Variants in METTL24 observed in about 807,000 individuals in gnomAD.
METTL24 encodes the protein probable methyltransferase-like protein 24.
A neutral mutation model predicts 32.7 loss-of-function variants in METTL24; 29 were observed. That is an observed-to-expected ratio of 0.89 (90% CI 0.66 to 1.21). METTL24 has a LOEUF of 1.21. Ranked by LOEUF, METTL24 falls within the 50% of genes most tolerant of loss-of-function variation. METTL24 has a pLI of 0.00. For missense variants in METTL24, 439 were observed against 468.1 expected, an observed-to-expected ratio of 0.94 and a Z score of 0.57; for synonymous variants, 163 against 179.5, an observed-to-expected ratio of 0.91 and a Z score of 0.73.
Position 110,358,319 on chromosome 6 carries a change from G to A in METTL24, c.-47C>T. On this transcript the variant is annotated 5_prime_UTR_variant, in exon 1 of 5. Coordinates refer to ENST00000338882, the MANE Select transcript of METTL24 (RefSeq NM_001123364.3). ...CGGGCCGCGCCTGGCCGGCAGCAGGGATGTAGCCCCACAGGCCGGAGCGGC... is the reference window on the plus strand; with the variant it reads ...CGGGCCGCGCCTGGCCGGCAGCAGGAATGTAGCCCCACAGGCCGGAGCGGC... 1 of 1,360,532 alleles carries A rather than the reference G, an allele frequency of 7.4e-7. No homozygotes were observed. Among genetic ancestry groups the A allele is most frequent in the Non-Finnish European group, 9.5e-7 (1 of 1,050,334 alleles). 84.3% of individuals were successfully genotyped at this position (1,360,532 alleles called of 1,614,324 possible).
At chr6:110,305,111 G>A (rs963183704) in intron 3 of METTL24, among the ~76,000 whole-genome samples, 2 of 152,104 alleles carry the variant, frequency 1.3e-5, no homozygotes, top group Non-Finnish European at 2.9e-5. Flanking sequence ...GAAATACTGA[G>A]GTATTTTGTC....
At chr6:110,346,506 T>TTTTTG (rs1554218085) in intron 1 of METTL24, among the ~76,000 whole-genome samples, 1 of 148,148 alleles carries the variant, frequency 6.8e-6, no homozygotes, top group Admixed American at 6.7e-5. Flanking sequence ...CTCTCTCTCT[T>TTTTTG]TTTTTTTTTT....
intron 1 of METTL24, among the ~76,000 whole-genome samples, chr6:110,327,916 C>T (rs1772044886): frequency 6.6e-6 from 1 of 152,216 alleles, no homozygotes; most frequent in Non-Finnish European, 1.5e-5. Flanking sequence ...CATAACAACG[C>T]CACCCCTATT....
chr6:110,350,668 G>C (rs1480930634), intron 1 of METTL24, among the ~76,000 whole-genome samples: 2 of 151,850 alleles, frequency 1.3e-5, no homozygotes, highest in Non-Finnish European at 2.9e-5. Flanking sequence ...ACTCACATCT[G>C]TAATCCCAAA....
intron 1 of METTL24, among the ~76,000 whole-genome samples, chr6:110,345,517 G>A (rs1370025123): frequency 6.6e-6 from 1 of 152,154 alleles, no homozygotes; most frequent in African/African-American, 2.4e-5. Context: ...CAAAGACATG[G>A]AATCAACCTA....
chr6:110,253,869 A>G (rs1248994575), intron 4 of METTL24: 3 of 1,416,106 alleles, frequency 2.1e-6, no homozygotes, highest in East Asian at 2.8e-5. Context: ...TTCCTCTAAA[A>G]TTTTCTCTCA....
At chr6:110,336,726 A>G (rs1772240032) in intron 1 of METTL24, among the ~76,000 whole-genome samples, 1 of 137,768 alleles carries the variant, frequency 7.3e-6, no homozygotes. Context: ...GCGACACAGC[A>G]AGACTCCGCC....
At position 110,358,011 on chromosome 6, in the gene METTL24, C is replaced by A. The variant is rs979866490; in HGVS notation, c.262G>T (p.Gly88Trp). The A allele has an allele frequency of 1.1e-5, 13 of 1,154,708 alleles. No homozygotes were observed. The highest frequency in any genetic ancestry group is 4.2e-5 in the South Asian group (1 of 23,604). 71.5% of individuals were successfully genotyped at this position (1,154,708 alleles called of 1,614,324 possible). A position where few individuals can be genotyped will look rare whatever the true frequency, so the allele number is the denominator to read the frequency against. The change falls in exon 1 of 5, where the codon GGG becomes TGG. Residue 88 changes from glycine to tryptophan, a missense_variant. Transcript: ENST00000338882. ...CAGCCAGGCTCCGGCGTCCCGCTCC[C>A]GCCGCCCCCCGGCGGCGCCCGGCGA... The part of the protein sequence containing the change: ...SGRRAPPGGG[G>W]SGTPEPGCCA...
At position 110,315,002 on chromosome 6, in the gene METTL24, T is replaced by TG. The variant is rs141911210; in HGVS notation, c.557+339dup. The stretch of plus-strand genomic sequence containing the variant: ...CTAAGTTTTTTGTGTTTTTTTTTTT[T>TG]GCTGCACGCAGTAATATTCTTCTCT... On this transcript the variant is annotated intron_variant, in intron 3 of 4. Transcript: ENST00000338882. Among the ~76,000 whole-genome samples, 1,357 of 151,960 alleles carry TG rather than the reference T, an allele frequency of 8.9e-3. 8 individuals carry two copies. The highest frequency in any genetic ancestry group is 0.031 in the African/African-American group (1,298 of 41,400).
intron 1 of METTL24, among the ~76,000 whole-genome samples, chr6:110,347,066 A>G (rs566641913): frequency 3.9e-5 from 6 of 152,284 alleles, no homozygotes; most frequent in South Asian, 4.1e-4. Flanking sequence ...TACATTGTAG[A>G]TATCCTTGCC....
rs1377540909 is a variant in METTL24 at position 110,295,795 on chromosome 6, AAGGAAGG to A, written c.786+3120_786+3126del. 2.9e-3 allele frequency among the ~76,000 whole-genome samples: 117 copies of A among 39,980 alleles called. 1 individual carries two copies. The highest frequency in any genetic ancestry group is 0.016 in the African/African-American group (115 of 7,174). The allele number at this position is 39,980 out of a possible 152,430, so 26.2% of individuals were successfully genotyped here. ...CCCCGGGAAAGAAAAGAAAGAAAGA[AAGGAAGG>A]AAGGAAGGAAGGAAGGAAGGAAGGA... On this transcript the variant is annotated intron_variant, in intron 4 of 4. Transcript: ENST00000338882.
intron 3 of METTL24, 21 bp downstream of exon 3, chr6:110,315,321 G>A (rs768055332): frequency 1.9e-5 from 30 of 1,613,202 alleles, no homozygotes; most frequent in Admixed American, 6.7e-5. Flanking sequence ...GTTTTCTTCT[G>A]CTGTAAAAAA....
At chr6:110,284,231 T>C (rs1582400524) in intron 4 of METTL24, among the ~76,000 whole-genome samples, 1 of 152,264 alleles carries the variant, frequency 6.6e-6, no homozygotes, top group East Asian at 1.9e-4. Flanking sequence ...AGTTATTGTT[T>C]AATGGGTACA....
chr6:110,326,356 A>G (rs1490406728), intron 1 of METTL24, among the ~76,000 whole-genome samples: 1 of 152,308 alleles, frequency 6.6e-6, no homozygotes, highest in East Asian at 1.9e-4. Context: ...ATTAAAATAG[A>G]TCATTTTCCC....
At chr6:110,269,378 A>G (rs1481920568) in intron 4 of METTL24, among the ~76,000 whole-genome samples, 1 of 152,138 alleles carries the variant, frequency 6.6e-6, no homozygotes, top group Non-Finnish European at 1.5e-5. Context: ...TTTAATACTC[A>G]TGAACAGCTC....
intron 4 of METTL24, among the ~76,000 whole-genome samples, chr6:110,280,055 T>C (rs1275176099): frequency 6.6e-6 from 1 of 152,116 alleles, no homozygotes; most frequent in African/African-American, 2.4e-5. Context: ...CCAGATCTCA[T>C]GAGAACTCAC....
intron 3 of METTL24, among the ~76,000 whole-genome samples, chr6:110,302,557 A>G (rs879117373): frequency 2.2e-5 from 2 of 91,300 alleles, no homozygotes; most frequent in African/African-American, 6.5e-5. Context: ...ACATATGTGT[A>G]TATATACACA....
chr6:110,279,371 A>G (rs1771100427), intron 4 of METTL24, among the ~76,000 whole-genome samples: 1 of 152,194 alleles, frequency 6.6e-6, no homozygotes. Context: ...AAAAGACACA[A>G]AAACAAAGCT....
At chr6:110,343,404 G>C (rs1260731398) in intron 1 of METTL24, among the ~76,000 whole-genome samples, 1 of 152,224 alleles carries the variant, frequency 6.6e-6, no homozygotes, top group South Asian at 2.1e-4. Flanking sequence ...CTATGGACAA[G>C]GCACTGTGCT....
Sources: allele counts gnomAD v4.1 joint callset (sites outside exome capture counted in the v4.1 genomes callset), GRCh38; gene constraint gnomAD v4.1.1; transcripts MANE v1.5; gene names NCBI Gene and HGNC (gene_info 2026-07-23, HGNC 2026-07-21).